TMEM17: variants seen among roughly 807,000 people sequenced by gnomAD.
TMEM17 encodes the protein transmembrane protein 17.
Under a neutral mutation model 19.1 loss-of-function variants are expected in TMEM17, and 15 were observed. The observed-to-expected ratio is 0.78, with a 90% CI of 0.52 to 1.21. The LOEUF is 1.21. Ranked by LOEUF, TMEM17 falls within the 50% of genes most tolerant of loss-of-function variation. The pLI is 0.00. For missense variants in TMEM17, 245 were observed against 242.3 expected, an observed-to-expected ratio of 1.01 and a Z score of -0.07; for synonymous variants, 103 against 86.9, an observed-to-expected ratio of 1.19 and a Z score of -1.03.
downstream of TMEM17, among the ~76,000 whole-genome samples, chr2:62,497,942 CTT>C (rs1442568824): frequency 2.0e-5 from 3 of 152,202 alleles, no homozygotes; most frequent in African/African-American, 7.2e-5. Context: ...CGCTTTTTTA[CTT>C]TGTCTTAAGG....
chr2:62,459,060 G>T, the TMEM17 span, among the ~76,000 whole-genome samples: 8 of 152,082 alleles, frequency 5.3e-5, no homozygotes, highest in Non-Finnish European at 1.2e-4. Context: ...ATAATTTTTG[G>T]GTCATGTGGT....
chr2:62,505,985 G>T, intron 1 of TMEM17, 45 bp downstream of exon 1: 2 of 1,539,420 alleles, frequency 1.3e-6, no homozygotes, highest in South Asian at 1.2e-5. Flanking sequence ...TCCACGCCAA[G>T]CCCTCGGCAG....
chr2:62,489,271 CA>C, the TMEM17 span, among the ~76,000 whole-genome samples: 1 of 152,184 alleles, frequency 6.6e-6, no homozygotes, highest in African/African-American at 2.4e-5. Context: ...CACATTTTTC[CA>C]TTTGCCTGAC....
chr2:62,458,843 C>T, the TMEM17 span, among the ~76,000 whole-genome samples: 2 of 152,136 alleles, frequency 1.3e-5, no homozygotes, highest in African/African-American at 4.8e-5. Context: ...ATGTGTTTGT[C>T]CTCTCTAATC....
the TMEM17 span, among the ~76,000 whole-genome samples, chr2:62,456,902 G>A: frequency 1.3e-5 from 2 of 152,238 alleles, no homozygotes; most frequent in Non-Finnish European, 2.9e-5. Context: ...GGGTGGCGGC[G>A]GGGACAGGAC....
At chr2:62,501,940 G>C (rs947860832) in intron 3 of TMEM17, 2 of 165,818 alleles carry the variant, frequency 1.2e-5, no homozygotes, top group African/African-American at 4.8e-5. Flanking sequence ...CAGGCTGGGT[G>C]GGGCCTTATT....
At chr2:62,468,345 G>C in the TMEM17 span, among the ~76,000 whole-genome samples, 1 of 152,314 alleles carries the variant, frequency 6.6e-6, no homozygotes, top group South Asian at 2.1e-4. Context: ...CCTACACCCT[G>C]TCAGGTTTTC....
intron 2 of TMEM17, 50 bp downstream of exon 2, chr2:62,502,641 T>A: frequency 6.7e-7 from 1 of 1,484,440 alleles, no homozygotes; most frequent in Non-Finnish European, 9.2e-7. Context: ...TGAATTTTAT[T>A]GACACTCTAA....
chr2:62,475,961 G>A, the TMEM17 span, among the ~76,000 whole-genome samples: 7 of 152,314 alleles, frequency 4.6e-5, no homozygotes, highest in Admixed American at 6.5e-5. Flanking sequence ...GCAAATGCTC[G>A]TGTTCATTAG....
chr2:62,505,947 G>A (rs1362727832), intron 1 of TMEM17, 83 bp downstream of exon 1: 17 of 1,301,870 alleles, frequency 1.3e-5, no homozygotes, highest in African/African-American at 1.5e-5. Context: ...GCCATTTTAG[G>A]TACGGGCAAA....
At chr2:62,481,839 G>C in the TMEM17 span, among the ~76,000 whole-genome samples, 1 of 152,016 alleles carries the variant, frequency 6.6e-6, no homozygotes, top group African/African-American at 2.4e-5. Flanking sequence ...CCTTGGAAAA[G>C]ATAGTTGGCA....
chr2:62,505,887 T>G, intron 1 of TMEM17, 143 bp downstream of exon 1: 2 of 834,700 alleles, frequency 2.4e-6, no homozygotes, highest in South Asian at 3.3e-5. Flanking sequence ...GCCCGGCCCC[T>G]CCTCCAAGGC....
the TMEM17 span, among the ~76,000 whole-genome samples, chr2:62,458,959 C>G: frequency 6.6e-6 from 1 of 152,210 alleles, no homozygotes; most frequent in African/African-American, 2.4e-5. Context: ...GGCAGATTCA[C>G]AATCTATTAT....
the TMEM17 span, among the ~76,000 whole-genome samples, chr2:62,468,949 C>A: frequency 4.1e-3 from 620 of 152,306 alleles, 7 homozygotes; most frequent in African/African-American, 0.015. Context: ...TGAATGCAGA[C>A]CATGGGGTCA....
the TMEM17 span, among the ~76,000 whole-genome samples, chr2:62,492,121 C>T: frequency 6.6e-5 from 10 of 152,212 alleles, no homozygotes; most frequent in Admixed American, 3.9e-4. Flanking sequence ...GCTTCTAGAT[C>T]GGACAGGTCT....
rs766679142 is a variant in TMEM17, at chr2:62,502,721, C to T, written c.174G>A (p.Trp58Ter). The T allele has an allele frequency of 6.2e-7, 1 of 1,609,278 alleles. No individual in the cohort carries two copies. The highest frequency in any genetic ancestry group is 8.5e-7 in the Non-Finnish European group (1 of 1,178,558). ...YFNTYYFPLW[W>*]VSSIMMLHMK... Reference sequence around the variant, plus strand: ...TGTGAAGCATCATAATGCTGCTCACCCACCACAGTGGGAAATAGTAGGTAT... The same window carrying T: ...TGTGAAGCATCATAATGCTGCTCACTCACCACAGTGGGAAATAGTAGGTAT... Residue 58 changes from tryptophan to a stop codon, truncating the protein, a stop_gained, in exon 2 of 4, where the codon TGG becomes TGA. Coordinates refer to ENST00000335390, the MANE Select transcript of TMEM17 (RefSeq NM_198276.3). LOFTEE classifies it high-confidence loss of function.
In TMEM17 at chr2:62,506,024, A is replaced by G. The variant is rs754659105; in HGVS notation, c.100+6T>C. 4.4e-6 allele frequency: 7 copies of G among 1,606,352 alleles called. No homozygotes were observed. Among genetic ancestry groups the G allele is most frequent in the Non-Finnish European group, 5.9e-6 (7 of 1,176,548 alleles). On this transcript the variant is annotated splice_donor_region_variant and intron_variant, in intron 1 of 3. Transcript: ENST00000335390. Reference sequence around the variant, plus strand: ...ACACCCCCTGCACCGGGCCTCGGTCACTCACCCGGACCCTCATTGGACTCT... The same window carrying G: ...ACACCCCCTGCACCGGGCCTCGGTCGCTCACCCGGACCCTCATTGGACTCT...
At chr2:62,475,833 C>T in the TMEM17 span, among the ~76,000 whole-genome samples, 2 of 152,198 alleles carry the variant, frequency 1.3e-5, no homozygotes, top group African/African-American at 4.8e-5. Flanking sequence ...ACTACACTTG[C>T]GGCTGTGCAG....
the TMEM17 span, among the ~76,000 whole-genome samples, chr2:62,469,955 C>T: frequency 6.6e-6 from 1 of 152,188 alleles, no homozygotes; most frequent in African/African-American, 2.4e-5. Context: ...ACTCCAGTCC[C>T]AGGGCCTCTG....
Sources: gnomAD v4.1 joint callset for allele counts (sites outside exome capture counted in the v4.1 genomes callset) on GRCh38, gnomAD v4.1.1 for gene constraint, MANE v1.5 for transcripts, NCBI Gene and HGNC (gene_info 2026-07-23, HGNC 2026-07-21) for gene names.